UNC5C: variants seen among roughly 807,000 people sequenced by gnomAD.
UNC5C encodes the protein netrin receptor UNC5C.
UNC5C carries 47 observed loss-of-function variants against 99.8 expected under a neutral mutation model. That is an observed-to-expected ratio of 0.47 (90% CI 0.37 to 0.60). The LOEUF (loss-of-function observed/expected upper bound fraction) is 0.60, where lower values mean the gene tolerates loss of function less well. UNC5C is among the 20% of genes least tolerant of loss of function. The pLI is 0.00. For synonymous variants in UNC5C, 487 were observed against 452.2 expected, an observed-to-expected ratio of 1.08 and a Z score of -0.98; for missense variants, 1,062 against 1,165.9, an observed-to-expected ratio of 0.91 and a Z score of 1.30.
chr4:95,512,497 T>C (rs1324820380), intron 1 of UNC5C, among the ~76,000 whole-genome samples: 1 of 152,180 alleles, frequency 6.6e-6, no homozygotes, highest in Admixed American at 6.6e-5. Flanking sequence ...AGAGTTCATG[T>C]ATAAAATAAA....
chr4:95,176,950 C>CGTTGTGTGCG, intron 14 of UNC5C, among the ~76,000 whole-genome samples: 1 of 152,216 alleles, frequency 6.6e-6, no homozygotes, highest in East Asian at 1.9e-4. Flanking sequence ...CCTGGTGTGC[C>CGTTGTGTGCG]GTTTTTTAAG....
chr4:95,434,673 C>T (rs1211847223), intron 1 of UNC5C, among the ~76,000 whole-genome samples: 1 of 152,102 alleles, frequency 6.6e-6, no homozygotes, highest in African/African-American at 2.4e-5. Flanking sequence ...GTCAGAGTGA[C>T]TCTCGCTTGG....
At chr4:95,178,663 C>A (rs1286738042) in intron 14 of UNC5C, among the ~76,000 whole-genome samples, 1 of 152,206 alleles carries the variant, frequency 6.6e-6, no homozygotes, top group African/African-American at 2.4e-5. Context: ...TGCCTTCCAA[C>A]TAAATGTGGA....
At chr4:95,278,413 C>T (rs1442554639) in intron 3 of UNC5C, 51 bp from the exon 4 acceptor site, 3 of 1,489,858 alleles carry the variant, frequency 2.0e-6, no homozygotes, top group Non-Finnish European at 1.9e-6. Flanking sequence ...AACATTTTCT[C>T]ATTTACAGAG....
chr4:95,327,728 G>A (rs1188691225), intron 2 of UNC5C, among the ~76,000 whole-genome samples: 1 of 152,076 alleles, frequency 6.6e-6, no homozygotes, highest in Non-Finnish European at 1.5e-5. Flanking sequence ...GAGGAGCCTG[G>A]CCGCAGATGG....
chr4:95,219,448 T>A, intron 8 of UNC5C, 135 bp from the exon 9 acceptor site: 1 of 798,980 alleles, frequency 1.3e-6, no homozygotes, highest in Non-Finnish European at 2.0e-6. Context: ...AGACAGGCTC[T>A]ACTGAAAACA....
intron 7 of UNC5C, among the ~76,000 whole-genome samples, chr4:95,232,457 T>A (rs932593558): frequency 5.9e-5 from 9 of 152,110 alleles, no homozygotes; most frequent in Non-Finnish European, 1.0e-4. Flanking sequence ...GGTGACTGAC[T>A]TCTAGAATAC....
chr4:95,251,096 C>T, intron 4 of UNC5C, among the ~76,000 whole-genome samples: 1 of 152,188 alleles, frequency 6.6e-6, no homozygotes, highest in Admixed American at 6.5e-5. Context: ...AACTTACCTG[C>T]TGCTTTTCAG....
chr4:95,308,888 A>G (rs1237925354), intron 2 of UNC5C, among the ~76,000 whole-genome samples: 2 of 152,140 alleles, frequency 1.3e-5, no homozygotes, highest in Admixed American at 6.6e-5. Context: ...AATGAAATCC[A>G]TATCAAAACT....
At chr4:95,379,378 T>G (rs1417802011) in intron 1 of UNC5C, among the ~76,000 whole-genome samples, 3 of 152,206 alleles carry the variant, frequency 2.0e-5, no homozygotes, top group African/African-American at 7.2e-5. Context: ...AAGCACTCTA[T>G]CTATAAACTT....
At chr4:95,174,314 G>T (rs567524720) in intron 14 of UNC5C, among the ~76,000 whole-genome samples, 2,945 of 152,014 alleles carry the variant, frequency 0.019, 105 homozygotes, top group African/African-American at 0.068. Flanking sequence ...TGCTTTTCTA[G>T]TTCTTTTAAT....
At chr4:95,345,798 TG>T (rs1317673891) in intron 1 of UNC5C, among the ~76,000 whole-genome samples, 5 of 152,028 alleles carry the variant, frequency 3.3e-5, no homozygotes, top group African/African-American at 1.2e-4. Flanking sequence ...AAAAATTTAT[TG>T]AAACAAATGA....
chr4:95,348,076 C>T lies in UNC5C; in HGVS notation c.125-12445G>A, dbSNP rs1743844403. The stretch of plus-strand genomic sequence containing the variant: ...ACTGTACAGGAAAAAATCTAATAAT[C>T]TAATTAAATAATCAGCAAAAGATTT... On this transcript the variant is annotated intron_variant, in intron 1 of 15. Transcript: ENST00000453304. 2.0e-5 allele frequency among the ~76,000 whole-genome samples: 3 copies of T among 151,874 alleles called. No individual in the cohort carries two copies. In the South Asian group the frequency reaches 6.2e-4, roughly 32 times the overall value.
At chr4:95,389,383 C>T (rs934804054) in intron 1 of UNC5C, among the ~76,000 whole-genome samples, 3 of 152,050 alleles carry the variant, frequency 2.0e-5, no homozygotes, top group South Asian at 2.1e-4. Flanking sequence ...CAAAATAAAG[C>T]ACTAGTCAAT....
At chr4:95,510,645 G>A (rs892303247) in intron 1 of UNC5C, among the ~76,000 whole-genome samples, 1 of 151,892 alleles carries the variant, frequency 6.6e-6, no homozygotes, top group African/African-American at 2.4e-5. Flanking sequence ...TACCTTAAGG[G>A]TAGTGTGCTG....
chr4:95,365,291 G>A (rs1744520291), intron 1 of UNC5C, among the ~76,000 whole-genome samples: 1 of 80,026 alleles, frequency 1.2e-5, no homozygotes, highest in African/African-American at 6.4e-5. Flanking sequence ...ACAAGAATCT[G>A]TCTCAAAAAA....
At chr4:95,422,633 T>C (rs1470374960) in intron 1 of UNC5C, among the ~76,000 whole-genome samples, 1 of 152,204 alleles carries the variant, frequency 6.6e-6, no homozygotes, top group Admixed American at 6.5e-5. Context: ...CTTAACTGAC[T>C]TGTTTTTTAA....
intron 7 of UNC5C, among the ~76,000 whole-genome samples, chr4:95,232,810 G>A (rs2149374087): frequency 6.6e-6 from 1 of 152,164 alleles, no homozygotes; most frequent in African/African-American, 2.4e-5. Context: ...GGGCAGGCAG[G>A]CCATGTACAG....
chr4:95,413,682 A>G (rs2149452950), intron 1 of UNC5C, among the ~76,000 whole-genome samples: 1 of 152,084 alleles, frequency 6.6e-6, no homozygotes, highest in South Asian at 2.1e-4. Context: ...CCAAATAATA[A>G]CACTTGTTCA....
Sources: allele counts gnomAD v4.1 joint callset (sites outside exome capture counted in the v4.1 genomes callset), GRCh38; gene constraint gnomAD v4.1.1; transcripts MANE v1.5; gene names NCBI Gene and HGNC (gene_info 2026-07-23, HGNC 2026-07-21).